The following EZH2 variants were observed in gnomAD, a reference collection of about 807,000 sequenced individuals.
The protein encoded by EZH2 is histone-lysine N-methyltransferase EZH2.
Under a neutral mutation model 98.4 loss-of-function variants are expected in EZH2, and 18 were observed. The observed-to-expected ratio is 0.18, with a 90% CI of 0.13 to 0.27. EZH2 has a LOEUF of 0.27. Ranked by LOEUF, EZH2 falls within the 10% of genes least tolerant of loss-of-function variation. The probability of loss-of-function intolerance (pLI) is 1.00; values close to 1 mark genes in which losing one functional copy is unlikely to be tolerated. For synonymous variants in EZH2, 338 were observed against 312.3 expected (o/e 1.08, Z -0.87); for missense variants, 470 against 935.1 (o/e 0.50, Z 6.49).
chr7:148,807,811 CT>C (rs1275795611), intron 19 of EZH2, 105 bp from the exon 20 acceptor site: 75 of 329,952 alleles, frequency 2.3e-4, no homozygotes, highest in Middle Eastern at 6.4e-4. Context: ...ATTAAAATGT[CT>C]TTAAAAAAAA....
At chr7:148,816,595 A>C (rs906156476) in intron 12 of EZH2, 89 bp downstream of exon 12, 45 of 915,858 alleles carry the variant, frequency 4.9e-5, no homozygotes, top group Non-Finnish European at 7.4e-5. Flanking sequence ...AAATAGACTA[A>C]GTAGAAACCA....
Position 148,818,059 on chromosome 7 carries a change from T to C in EZH2, c.1058A>G (p.Lys353Arg). ...LTAERIKTPP[K>R]RPGGRRRGRL... Reference sequence around the variant, plus strand: ...TCCTCTTCTGCGGCCTCCTGGACGTTTTGGTGGGGTCTTTATCCGCTCAGC... The same window carrying C: ...TCCTCTTCTGCGGCCTCCTGGACGTCTTGGTGGGGTCTTTATCCGCTCAGC... The change falls in exon 10 of 20, where the codon AAA becomes AGA. Residue 353 changes from lysine to arginine, a missense_variant. Around this residue, in one of 6 missense-constraint regions of EZH2, gnomAD observed 192 missense variants for 306.8 expected, o/e 0.63. Transcript: ENST00000320356. 2 of 1,613,778 alleles carry C rather than the reference T, an allele frequency of 1.2e-6. No individual in the cohort carries two copies. Among genetic ancestry groups the C allele is most frequent in the Non-Finnish European group, 1.7e-6 (2 of 1,179,920 alleles).
intron 1 of EZH2, among the ~76,000 whole-genome samples, chr7:148,863,097 A>G (rs1266435833): frequency 9.7e-6 from 1 of 102,568 alleles, no homozygotes; most frequent in African/African-American, 4.1e-5. Flanking sequence ...AAAAAAAAAA[A>G]AAGAAAGAAA....
At position 148,817,257 on chromosome 7, in the gene EZH2, T is replaced by G. The variant is rs779136188; in HGVS notation, c.1375A>C (p.Ile459Leu). The G allele has an allele frequency of 2.5e-6, 4 of 1,613,844 alleles. No homozygotes were observed. In the African/African-American group the frequency reaches 5.3e-5, roughly 22 times the overall value. Residue 459 changes from isoleucine to leucine, a missense_variant, in exon 11 of 20, where the codon ATT (isoleucine) becomes CTT (leucine). Physicochemically the swap from Ile to Leu is conservative, Grantham distance 5. Coordinates refer to ENST00000320356, the MANE Select transcript of EZH2 (RefSeq NM_004456.5). ...IGTYYDNFCA[I>L]ARLIGTKTCR... ...GTTTTGGTCCCAATTAACCTAGCAA[T>G]GGCACAGAAATTGTCATAGTAAGTG...
chr7:148,815,391 C>G, intron 13 of EZH2, 115 bp downstream of exon 13: 5 of 1,118,348 alleles, frequency 4.5e-6, no homozygotes, highest in Admixed American at 1.8e-5. Flanking sequence ...GTTTAACATA[C>G]AGAAGGCAAT....
intron 1 of EZH2, among the ~76,000 whole-genome samples, chr7:148,866,516 A>ATATACATATATG (rs1818480447): frequency 1.0e-5 from 1 of 96,990 alleles, no homozygotes; most frequent in Non-Finnish European, 2.1e-5. Context: ...ATACATATAT[A>ATATACATATATG]TGTGTATATA....
chr7:148,849,988 A>G (rs1255878025), intron 1 of EZH2, among the ~76,000 whole-genome samples: 3 of 152,084 alleles, frequency 2.0e-5, no homozygotes, highest in African/African-American at 7.2e-5. Flanking sequence ...TAACGTGTTT[A>G]GTTTTCACTG....
rs764402328 is a variant in EZH2, at chr7:148,808,047, C to T, written c.2196-341G>A. On this transcript the variant is annotated intron_variant, in intron 19 of 19. Transcript: ENST00000320356. ...TCCACATCAGGATGCTTAGGCCTGA[C>T]GCTGGGAAGGCAAAATAGAACCATG... is the stretch of plus-strand genomic sequence containing the variant. Among the ~76,000 whole-genome samples, 12 of 152,126 alleles carry T rather than the reference C, an allele frequency of 7.9e-5. No homozygotes were observed. In the East Asian group the frequency reaches 9.6e-4, roughly 12 times the overall value.
At chr7:148,835,406 G>T (rs573600598) in intron 3 of EZH2, among the ~76,000 whole-genome samples, 98 of 147,584 alleles carry the variant, frequency 6.6e-4, no homozygotes, top group Admixed American at 1.4e-3. Flanking sequence ...CCTGGGTGAC[G>T]ACGGGAGACC....
intron 1 of EZH2, among the ~76,000 whole-genome samples, chr7:148,853,695 G>A (rs979479066): frequency 6.6e-6 from 1 of 152,220 alleles, no homozygotes; most frequent in Non-Finnish European, 1.5e-5. Flanking sequence ...ATTATGTTTA[G>A]GGAATAATGG....
intron 7 of EZH2, 150 bp downstream of exon 7, chr7:148,827,014 C>G: frequency 1.7e-6 from 1 of 581,846 alleles, no homozygotes; most frequent in Non-Finnish European, 3.0e-6. Flanking sequence ...TGCAGAGTAC[C>G]ACAAGTACAC....
At chr7:148,861,966 C>T (rs1263374620) in intron 1 of EZH2, among the ~76,000 whole-genome samples, 1 of 152,188 alleles carries the variant, frequency 6.6e-6, no homozygotes, top group Non-Finnish European at 1.5e-5. Flanking sequence ...CAGTCTCAAA[C>T]ATACTTAGCT....
At chr7:148,842,103 C>G (rs565880832) in intron 3 of EZH2, among the ~76,000 whole-genome samples, 2 of 152,136 alleles carry the variant, frequency 1.3e-5, no homozygotes, top group Non-Finnish European at 2.9e-5. Context: ...CATTAGTAAA[C>G]AAGATACAAA....
At chr7:148,881,856 C>T (rs991530479) in intron 1 of EZH2, among the ~76,000 whole-genome samples, 1 of 151,528 alleles carries the variant, frequency 6.6e-6, no homozygotes, top group East Asian at 1.9e-4. Flanking sequence ...ATTCCTTAAA[C>T]CCGGGAGGCA....
intron 3 of EZH2, among the ~76,000 whole-genome samples, chr7:148,843,756 C>T (rs1050148692): frequency 1.2e-4 from 18 of 151,748 alleles, no homozygotes; most frequent in South Asian, 2.1e-4. Flanking sequence ...CTACCACGCC[C>T]GGCTAATTTT....
At chr7:148,846,257 T>C (rs1813991053) in intron 3 of EZH2, among the ~76,000 whole-genome samples, 1 of 152,092 alleles carries the variant, frequency 6.6e-6, no homozygotes, top group African/African-American at 2.4e-5. Context: ...ATCTACCTAG[T>C]TCAAAGTATA....
At chr7:148,851,959 T>C (rs994051688) in intron 1 of EZH2, among the ~76,000 whole-genome samples, 2 of 152,152 alleles carry the variant, frequency 1.3e-5, no homozygotes, top group Non-Finnish European at 2.9e-5. Flanking sequence ...ATGGACACTG[T>C]GTAAATACAT....
intron 8 of EZH2, among the ~76,000 whole-genome samples, chr7:148,820,526 A>G (rs1209167857): frequency 1.3e-5 from 2 of 151,918 alleles, no homozygotes; most frequent in Non-Finnish European, 2.9e-5. Flanking sequence ...GTAAAAAGCC[A>G]TATTTAAAGA....
At chr7:148,865,410 T>C (rs1818300736) in intron 1 of EZH2, among the ~76,000 whole-genome samples, 1 of 152,232 alleles carries the variant, frequency 6.6e-6, no homozygotes, top group Non-Finnish European at 1.5e-5. Flanking sequence ...ACAAGGGTTC[T>C]ACCCACCATT....
Sources: allele counts gnomAD v4.1 joint callset (sites outside exome capture counted in the v4.1 genomes callset), GRCh38; gene constraint gnomAD v4.1.1; regional missense constraint gnomAD v4.1.1; transcripts MANE v1.5; gene names NCBI Gene and HGNC (gene_info 2026-07-23, HGNC 2026-07-21).